ZFHX3: variants seen among roughly 807,000 people sequenced by gnomAD.
ZFHX3 encodes the protein zinc finger homeobox 3, also known as zinc finger homeobox protein 3.
Under a neutral mutation model 279.1 loss-of-function variants are expected in ZFHX3, and 42 were observed. The ratio of observed to expected loss-of-function variants is 0.15; its 90% CI spans 0.12 to 0.19. ZFHX3 has a LOEUF of 0.19. Among genes scored for constraint, ZFHX3 ranks in the 10% least tolerant of loss-of-function variants. The probability of loss-of-function intolerance (pLI) is 1.00; values close to 1 mark genes in which losing one functional copy is unlikely to be tolerated. For synonymous variants in ZFHX3, 2,293 were observed against 1,957.8 expected, an observed-to-expected ratio of 1.17 and a Z score of -4.52; for missense variants, 4,981 against 4,754.0, an observed-to-expected ratio of 1.05 and a Z score of -1.40.
At chr16:72,908,667 C>T (rs1209995189) in intron 3 of ZFHX3, among the ~76,000 whole-genome samples, 2 of 152,168 alleles carry the variant, frequency 1.3e-5, no homozygotes, top group Non-Finnish European at 2.9e-5. Context: ...ATGACTCATG[C>T]GATGACACAA....
chr16:73,032,792 C>T lies in ZFHX3; in HGVS notation c.-50+14960G>A, dbSNP rs139511338. 5.7e-4 allele frequency among the ~76,000 whole-genome samples: 87 copies of T among 152,248 alleles called. No individual in the cohort carries two copies. The East Asian group carries it at 0.014, about 25-fold the overall frequency. ...AAGACCTGCTAGTTAGCAACGAGAG[C>T]GGATGGAGGACAGTCATTGGAACCA... On this transcript the variant is annotated intron_variant, in intron 1 of 9. Coordinates refer to ENST00000268489, the MANE Select transcript of ZFHX3 (RefSeq NM_006885.4).
chr16:73,774,799 C>T (rs1266246144), intron 1 of ZFHX3, among the ~76,000 whole-genome samples: 1 of 152,166 alleles, frequency 6.6e-6, no homozygotes, highest in African/African-American at 2.4e-5. Context: ...TGTGAGTGAG[C>T]ATGTAAATGA....
Position 72,787,173 on chromosome 16 carries a change from G to T in ZFHX3, c.11103C>A (p.Phe3701Leu), listed in dbSNP as rs1162001095. The T allele has an allele frequency of 9.0e-6, 14 of 1,561,278 alleles. No individual in the cohort carries two copies. Among genetic ancestry groups the T allele is most frequent in the Non-Finnish European group, 1.0e-5 (12 of 1,148,848 alleles). ...SGLTSVGTDT[F>L]RL ...TGTTCATCTTCAAAGCTTACAATCT[G>T]AAGGTGTCCGTTCCTACACTGGTCA... The change falls in exon 10 of 10, where the codon TTC (phenylalanine) becomes TTA (leucine). Residue 3701 changes from phenylalanine to leucine, a missense_variant. By Grantham distance (22) the Phe-to-Leu change is conservative. Transcript: ENST00000268489.
At chr16:73,435,329 C>T (rs2017978254) in intron 3 of ZFHX3, among the ~76,000 whole-genome samples, 1 of 152,174 alleles carries the variant, frequency 6.6e-6, no homozygotes, top group South Asian at 2.1e-4. Flanking sequence ...CTGCCTCAGC[C>T]TCCTAAGTAG....
intron 1 of ZFHX3, among the ~76,000 whole-genome samples, chr16:73,797,660 CG>C (rs1157268829): frequency 6.6e-6 from 1 of 152,060 alleles, no homozygotes; most frequent in Non-Finnish European, 1.5e-5. Context: ...TACACTGGTA[CG>C]GTGGAGAAAG....
chr16:72,942,909 T>C (rs1960479000), intron 3 of ZFHX3, among the ~76,000 whole-genome samples: 1 of 152,036 alleles, frequency 6.6e-6, no homozygotes. Context: ...CAGAGAGAAA[T>C]AGGAAAAGGT....
chr16:73,204,295 A>G (rs2011715486), intron 5 of ZFHX3, among the ~76,000 whole-genome samples: 2 of 150,718 alleles, frequency 1.3e-5, no homozygotes, highest in African/African-American at 2.4e-5. Flanking sequence ...TTATTATTAT[A>G]TTCATTATAA....
intron 1 of ZFHX3, among the ~76,000 whole-genome samples, chr16:73,735,715 C>T (rs546393478): frequency 2.4e-4 from 37 of 152,086 alleles, no homozygotes; most frequent in Non-Finnish European, 5.1e-4. Context: ...ACATGCATGC[C>T]TCCCCATAGA....
At chr16:73,143,412 G>C (rs1033950449) in intron 6 of ZFHX3, among the ~76,000 whole-genome samples, 2 of 152,130 alleles carry the variant, frequency 1.3e-5, no homozygotes, top group African/African-American at 4.8e-5. Flanking sequence ...GGGTGAAATT[G>C]CTTTTTTCTT....
chr16:73,458,631 CT>C (rs554781451), intron 2 of ZFHX3, among the ~76,000 whole-genome samples: 5 of 152,234 alleles, frequency 3.3e-5, no homozygotes, highest in African/African-American at 9.6e-5. Context: ...GACTTTTGAA[CT>C]GCTCTTTAGA....
At chr16:73,313,154 C>G (rs978891977) in intron 4 of ZFHX3, among the ~76,000 whole-genome samples, 1 of 152,202 alleles carries the variant, frequency 6.6e-6, no homozygotes, top group Non-Finnish European at 1.5e-5. Context: ...TTTTCTCGCT[C>G]TCTCTCCTGC....
intron 5 of ZFHX3, among the ~76,000 whole-genome samples, chr16:73,187,889 C>T (rs1431496638): frequency 1.3e-5 from 2 of 152,122 alleles, no homozygotes. Flanking sequence ...GACGGAGTCT[C>T]GCTCTGTCGC....
intron 2 of ZFHX3, among the ~76,000 whole-genome samples, chr16:73,524,080 G>C (rs577220383): frequency 3.3e-5 from 5 of 152,128 alleles, no homozygotes; most frequent in African/African-American, 1.2e-4. Flanking sequence ...ATGAATGTTC[G>C]CATAAGGGAA....
intron 3 of ZFHX3, among the ~76,000 whole-genome samples, chr16:73,328,196 T>G (rs1480270191): frequency 6.6e-6 from 1 of 152,224 alleles, no homozygotes; most frequent in East Asian, 1.9e-4. Flanking sequence ...CGTATTATAA[T>G]CAACTGATGT....
At chr16:73,806,849 C>T (rs533779137) in intron 1 of ZFHX3, among the ~76,000 whole-genome samples, 2 of 152,268 alleles carry the variant, frequency 1.3e-5, no homozygotes, top group South Asian at 4.1e-4. Flanking sequence ...TGCCCTGACC[C>T]TTTTGGGGGA....
chr16:72,815,265 A>C (rs2036572864), intron 5 of ZFHX3, among the ~76,000 whole-genome samples: 1 of 152,082 alleles, frequency 6.6e-6, no homozygotes, highest in South Asian at 2.1e-4. Flanking sequence ...AAAATTAGCC[A>C]GGCGTGGTGG....
chr16:73,221,231 T>C (rs2012408466), intron 5 of ZFHX3, among the ~76,000 whole-genome samples: 1 of 152,166 alleles, frequency 6.6e-6, no homozygotes, highest in Non-Finnish European at 1.5e-5. Context: ...TGCTTACAAA[T>C]GGTATGTGTG....
chr16:72,971,259 A>G (rs925308463), intron 1 of ZFHX3, among the ~76,000 whole-genome samples: 2 of 152,180 alleles, frequency 1.3e-5, no homozygotes, highest in African/African-American at 4.8e-5. Flanking sequence ...ACAATTCCCA[A>G]TATTTTGCTG....
At chr16:73,542,673 T>C (rs1342369090) in intron 2 of ZFHX3, among the ~76,000 whole-genome samples, 1 of 152,180 alleles carries the variant, frequency 6.6e-6, no homozygotes, top group African/African-American at 2.4e-5. Flanking sequence ...ACTTAGCTAG[T>C]TAAAACAAAA....
Sources: gnomAD v4.1 joint callset for allele counts (sites outside exome capture counted in the v4.1 genomes callset) on GRCh38, gnomAD v4.1.1 for gene constraint, MANE v1.5 for transcripts, NCBI Gene and HGNC (gene_info 2026-07-23, HGNC 2026-07-21) for gene names.